Variants in FOCAD observed in about 807,000 individuals in gnomAD.
FOCAD encodes focadhesin.
A neutral mutation model predicts 225.6 loss-of-function variants in FOCAD; 198 were observed. That is an observed-to-expected ratio of 0.88 (90% CI 0.78 to 0.99). The LOEUF (loss-of-function observed/expected upper bound fraction) is 0.99, where lower values mean the gene tolerates loss of function less well. FOCAD is among the 50% of genes least tolerant of loss of function. The probability of loss-of-function intolerance (pLI) is 0.00; values close to 1 mark genes in which losing one functional copy is unlikely to be tolerated. For synonymous variants in FOCAD, 897 were observed against 755.0 expected, an observed-to-expected ratio of 1.19 and a Z score of -3.08; for missense variants, 2,713 against 2,123.6, an observed-to-expected ratio of 1.28 and a Z score of -5.46.
chr9:20,731,097 G>A (rs905737297), intron 4 of FOCAD, among the ~76,000 whole-genome samples: 3 of 152,050 alleles, frequency 2.0e-5, no homozygotes, highest in African/African-American at 7.2e-5. Flanking sequence ...AAATTAGCTG[G>A]GCCTGTGGTG....
intron 4 of FOCAD, among the ~76,000 whole-genome samples, chr9:20,736,750 G>A (rs568059437): frequency 2.0e-5 from 3 of 152,118 alleles, no homozygotes; most frequent in South Asian, 4.2e-4. Context: ...TTAAAACAAC[G>A]TAAGAGATGG....
chr9:20,941,390 A>G (rs1836647304), intron 28 of FOCAD, among the ~76,000 whole-genome samples: 1 of 152,244 alleles, frequency 6.6e-6, no homozygotes, highest in African/African-American at 2.4e-5. Flanking sequence ...TAACATTTGT[A>G]TAGCGCTTTG....
chr9:20,944,516 A>C, intron 28 of FOCAD, 111 bp from the exon 29 acceptor site: 1 of 1,220,782 alleles, frequency 8.2e-7, no homozygotes, highest in Admixed American at 2.1e-5. Flanking sequence ...GCAGAATTTG[A>C]ATCCAGCCAT....
intron 18 of FOCAD, among the ~76,000 whole-genome samples, chr9:20,871,874 A>G (rs961946622): frequency 3.3e-5 from 5 of 150,132 alleles, no homozygotes; most frequent in Non-Finnish European, 5.9e-5. Context: ...TAACCTGCAC[A>G]TTGTGCACAT....
At chr9:20,797,882 T>C (rs1821308832) in intron 11 of FOCAD, among the ~76,000 whole-genome samples, 1 of 152,170 alleles carries the variant, frequency 6.6e-6, no homozygotes, top group South Asian at 2.1e-4. Context: ...TCCAACACTA[T>C]GTCGAATGGG....
intron 37 of FOCAD, among the ~76,000 whole-genome samples, chr9:20,981,101 T>C (rs544317813): frequency 2.6e-5 from 4 of 152,238 alleles, no homozygotes; most frequent in Non-Finnish European, 4.4e-5. Flanking sequence ...AAAGTAACTG[T>C]CATGTACTTT....
chr9:20,776,014 G>A (rs1011748455), intron 8 of FOCAD, among the ~76,000 whole-genome samples: 15 of 152,070 alleles, frequency 9.9e-5, no homozygotes, highest in African/African-American at 3.1e-4. Flanking sequence ...AGGCTTATAT[G>A]ACTAGAGTTC....
intron 11 of FOCAD, among the ~76,000 whole-genome samples, chr9:20,799,987 A>G (rs1459745593): frequency 6.6e-6 from 1 of 152,030 alleles, no homozygotes; most frequent in African/African-American, 2.4e-5. Flanking sequence ...GGCTGGTACC[A>G]GTTGTTCCTT....
At chr9:20,928,204 T>TA (rs1264968657) in intron 26 of FOCAD, among the ~76,000 whole-genome samples, 2 of 152,182 alleles carry the variant, frequency 1.3e-5, no homozygotes, top group African/African-American at 4.8e-5. Context: ...ATAATCTCTT[T>TA]ACTAGTCAGC....
rs7026225 is a variant in FOCAD at position 20,882,118 on chromosome 9, T to C, written c.2503+62T>C. 0.83 allele frequency: 1,213,068 copies of C among 1,458,746 alleles called. 505,360 individuals are homozygous for C. The highest frequency in any genetic ancestry group is 0.91 in the Admixed American group (44,906 of 49,370). 90.4% of individuals were successfully genotyped at this position (1,458,746 alleles called of 1,614,324 possible). On this transcript the variant is annotated intron_variant, in intron 20 of 43. Transcript: ENST00000338382. ...TCATGTAATGATTTAACTTCCACTTTCAAGTAGGATATAATGGGCCATGGC... is the reference window on the plus strand; with the variant it reads ...TCATGTAATGATTTAACTTCCACTTCCAAGTAGGATATAATGGGCCATGGC...
intron 5 of FOCAD, among the ~76,000 whole-genome samples, chr9:20,742,305 A>G (rs1223833865): frequency 2.0e-5 from 3 of 152,220 alleles, no homozygotes; most frequent in Non-Finnish European, 4.4e-5. Flanking sequence ...GTCATTCACA[A>G]TGAGTACAAA....
intron 2 of FOCAD, among the ~76,000 whole-genome samples, chr9:20,668,056 A>G (rs926906708): frequency 9.9e-5 from 15 of 152,232 alleles, no homozygotes; most frequent in Admixed American, 7.9e-4. Context: ...ATGAAATACA[A>G]TTTAATTGTA....
chr9:20,854,434 T>A (rs1356326127), intron 15 of FOCAD, among the ~76,000 whole-genome samples: 1 of 151,736 alleles, frequency 6.6e-6, no homozygotes, highest in African/African-American at 2.4e-5. Flanking sequence ...ATTATTTCCA[T>A]TTTGCAGCTG....
intron 11 of FOCAD, among the ~76,000 whole-genome samples, chr9:20,796,233 G>A (rs1821088221): frequency 6.6e-6 from 1 of 152,152 alleles, no homozygotes; most frequent in African/African-American, 2.4e-5. Flanking sequence ...ATTTGGGTTG[G>A]TTCCAAGTCT....
intron 35 of FOCAD, among the ~76,000 whole-genome samples, chr9:20,969,222 TGAAATGAATG>T (rs1326271070): frequency 6.6e-6 from 1 of 152,154 alleles, no homozygotes; most frequent in Non-Finnish European, 1.5e-5. Flanking sequence ...CGTGTGCTCT[TGAAATGAATG>T]TGTATTCTGA....
chr9:20,957,673 C>CTTTTTTT (rs775116988), intron 35 of FOCAD: 1 of 38,422 alleles, frequency 2.6e-5, no homozygotes, highest in African/African-American at 1.1e-4. Context: ...ATCTCTCTCT[C>CTTTTTTT]TTTTTTTTTT....
chr9:20,930,051 G>A (rs1186448211), intron 27 of FOCAD, among the ~76,000 whole-genome samples: 1 of 152,182 alleles, frequency 6.6e-6, no homozygotes. Flanking sequence ...AATTACCTGA[G>A]AACTACATGT....
chr9:20,807,819 G>A (rs1401596855), intron 11 of FOCAD, among the ~76,000 whole-genome samples: 4 of 152,148 alleles, frequency 2.6e-5, no homozygotes, highest in Admixed American at 1.3e-4. Flanking sequence ...GGAGGTGAAG[G>A]TGGGCGGATC....
At chr9:20,758,596 A>G (rs1391677971) in intron 6 of FOCAD, among the ~76,000 whole-genome samples, 4 of 141,906 alleles carry the variant, frequency 2.8e-5, no homozygotes, top group African/African-American at 5.3e-5. Context: ...ATTCCCACCT[A>G]TAAGTGAGAC....
Sources: allele counts gnomAD v4.1 joint callset (sites outside exome capture counted in the v4.1 genomes callset), GRCh38; gene constraint gnomAD v4.1.1; transcripts MANE v1.5; gene names NCBI Gene and HGNC (gene_info 2026-07-23, HGNC 2026-07-21).